The following FHIT variants were observed in gnomAD, a reference collection of about 807,000 sequenced individuals.
FHIT encodes the protein bis(5'-adenosyl)-triphosphatase.
In FHIT, 19 loss-of-function variants were observed where a neutral mutation model predicts 17.9. The ratio of observed to expected loss-of-function variants is 1.06; its 90% CI spans 0.74 to 1.56. The LOEUF is 1.56. FHIT is among the 40% of genes most tolerant of loss of function. The pLI, the probability that FHIT is intolerant of heterozygous loss-of-function variation, is 0.00. For synonymous variants in FHIT, 81 were observed against 69.7 expected (o/e 1.16, Z -0.81); for missense variants, 248 against 189.2 (o/e 1.31, Z -1.82).
At chr3:61,247,550 AG>A (rs1305760594) in intron 1 of FHIT, among the ~76,000 whole-genome samples, 14 of 152,178 alleles carry the variant, frequency 9.2e-5, no homozygotes, top group Non-Finnish European at 1.8e-4. Context: ...GGCAGTACCG[AG>A]CCAAAAGCTT....
At chr3:59,895,521 A>C (rs1053777644) in intron 8 of FHIT, among the ~76,000 whole-genome samples, 1 of 152,152 alleles carries the variant, frequency 6.6e-6, no homozygotes, top group African/African-American at 2.4e-5. Context: ...CACATCAGAC[A>C]CTTCCAATAA....
intron 3 of FHIT, among the ~76,000 whole-genome samples, chr3:60,875,588 A>G (rs1704611034): frequency 6.6e-6 from 1 of 152,196 alleles, no homozygotes; most frequent in Non-Finnish European, 1.5e-5. Context: ...AATTAAGTTT[A>G]AGACATCCAT....
chr3:59,911,754 C>T (rs1309362642), intron 8 of FHIT, among the ~76,000 whole-genome samples: 1 of 152,104 alleles, frequency 6.6e-6, no homozygotes, highest in African/African-American at 2.4e-5. Context: ...CAGGCAGTGC[C>T]CAAGAAGTGG....
At chr3:60,138,387 C>A (rs924801637) in intron 5 of FHIT, among the ~76,000 whole-genome samples, 6 of 152,176 alleles carry the variant, frequency 3.9e-5, no homozygotes, top group Non-Finnish European at 7.3e-5. Flanking sequence ...AGTAAATACA[C>A]ATTGTCTCTC....
In FHIT at chr3:60,203,013, C is replaced by A. The variant is rs188538575; in HGVS notation, c.104-188861G>T. Among the ~76,000 whole-genome samples the A allele has an allele frequency of 5.9e-3, 847 of 143,606 alleles. 3 individuals carry two copies. The highest frequency in any genetic ancestry group is 0.019 in the African/African-American group (723 of 37,522). The allele number at this position is 143,606 out of a possible 152,430, so 94.2% of individuals were successfully genotyped here. On this transcript the variant is annotated intron_variant, in intron 5 of 9. Transcript: ENST00000492590. ...TGACACATTACAGTTAAAAAAAAAA[C>A]CCCAATAGAAGTACATAGACATACA... is the stretch of plus-strand genomic sequence containing the variant.
At chr3:59,859,112 A>T (rs570411398) in intron 8 of FHIT, among the ~76,000 whole-genome samples, 1 of 152,336 alleles carries the variant, frequency 6.6e-6, no homozygotes, top group African/African-American at 2.4e-5. Context: ...GGACAGTATA[A>T]GATGATCCTG....
rs148430537 is a variant in FHIT at position 60,532,753 on chromosome 3, C to T, written c.103+4107G>A. Among the ~76,000 whole-genome samples the T allele has an allele frequency of 1.4e-3, 206 of 152,242 alleles. 1 individual carries two copies. The highest frequency in any genetic ancestry group is 4.4e-3 in the African/African-American group (181 of 41,560). ...GTGGCTGTTTTGAGAATGAAGCAAACGATCCTGCTTCAAAAGCGTATCTTT... is the reference window on the plus strand; with the variant it reads ...GTGGCTGTTTTGAGAATGAAGCAAATGATCCTGCTTCAAAAGCGTATCTTT... On this transcript the variant is annotated intron_variant, in intron 5 of 9. Transcript: ENST00000492590.
chr3:60,865,893 TG>T (rs1704137316), intron 3 of FHIT, among the ~76,000 whole-genome samples: 1 of 152,126 alleles, frequency 6.6e-6, no homozygotes, highest in African/African-American at 2.4e-5. Flanking sequence ...TTTCCACAGA[TG>T]GGGTTTACTT....
chr3:60,934,804 G>A (rs1708117165), intron 3 of FHIT, among the ~76,000 whole-genome samples: 1 of 152,148 alleles, frequency 6.6e-6, no homozygotes, highest in Admixed American at 6.5e-5. Context: ...GGAAAGAATA[G>A]TCAAGTTCCT....
At chr3:60,002,863 CA>C (rs1297528883) in intron 7 of FHIT, among the ~76,000 whole-genome samples, 1 of 152,020 alleles carries the variant, frequency 6.6e-6, no homozygotes, top group African/African-American at 2.4e-5. Flanking sequence ...GACCAAGAAT[CA>C]AAATATATTT....
intron 4 of FHIT, among the ~76,000 whole-genome samples, chr3:60,615,734 A>G (rs1247542861): frequency 6.6e-6 from 1 of 152,258 alleles, no homozygotes; most frequent in Non-Finnish European, 1.5e-5. Context: ...CTTGTAATCC[A>G]GTAGGAGAAA....
chr3:60,602,878 G>T (rs2038489902), intron 4 of FHIT, among the ~76,000 whole-genome samples: 1 of 152,066 alleles, frequency 6.6e-6, no homozygotes. Flanking sequence ...AAAATAGCAA[G>T]AAAGTACCAT....
intron 8 of FHIT, among the ~76,000 whole-genome samples, chr3:59,851,033 G>A (rs150926156): frequency 6.6e-6 from 1 of 152,204 alleles, no homozygotes; most frequent in African/African-American, 2.4e-5. Flanking sequence ...AAAAGAGCAG[G>A]GTCTTCTCTA....
intron 5 of FHIT, among the ~76,000 whole-genome samples, chr3:60,277,551 A>G (rs972826967): frequency 2.6e-5 from 4 of 152,186 alleles, no homozygotes; most frequent in African/African-American, 9.6e-5. Context: ...AGCTGGGAGA[A>G]GTCGCCATTT....
At chr3:59,941,556 T>C (rs906181398) in intron 7 of FHIT, among the ~76,000 whole-genome samples, 2 of 152,216 alleles carry the variant, frequency 1.3e-5, no homozygotes, top group African/African-American at 4.8e-5. Context: ...TGTGTAGTTA[T>C]ATAACCAGAG....
At chr3:60,592,047 C>G (rs2038102520) in intron 4 of FHIT, among the ~76,000 whole-genome samples, 1 of 151,688 alleles carries the variant, frequency 6.6e-6, no homozygotes, top group Admixed American at 6.6e-5. Context: ...CAAAACTACC[C>G]TTTAATGAAA....
intron 5 of FHIT, among the ~76,000 whole-genome samples, chr3:60,118,673 TA>T (rs1705094437): frequency 6.6e-6 from 1 of 150,924 alleles, no homozygotes; most frequent in African/African-American, 2.4e-5. Context: ...ATACCTCCTA[TA>T]ATTACTTGCT....
At chr3:60,512,768 G>T (rs2034998735) in intron 5 of FHIT, among the ~76,000 whole-genome samples, 1 of 152,066 alleles carries the variant, frequency 6.6e-6, no homozygotes, top group South Asian at 2.1e-4. Flanking sequence ...ACAATGAGAT[G>T]GATCAAGATA....
intron 5 of FHIT, among the ~76,000 whole-genome samples, chr3:60,460,703 A>G (rs2032407609): frequency 6.6e-6 from 1 of 152,196 alleles, no homozygotes; most frequent in Non-Finnish European, 1.5e-5. Context: ...GCTGTGATTT[A>G]CAATCCTCAA....
Sources: gnomAD v4.1 joint callset for allele counts (sites outside exome capture counted in the v4.1 genomes callset) on GRCh38, gnomAD v4.1.1 for gene constraint, MANE v1.5 for transcripts, NCBI Gene and HGNC (gene_info 2026-07-23, HGNC 2026-07-21) for gene names.